Variants in CACNA2D1 observed in about 807,000 individuals in gnomAD.
The protein encoded by CACNA2D1 is calcium voltage-gated channel auxiliary subunit alpha2delta 1.
A neutral mutation model predicts 171.5 loss-of-function variants in CACNA2D1; 53 were observed. That is an observed-to-expected ratio of 0.31 (90% CI 0.25 to 0.39). The LOEUF (loss-of-function observed/expected upper bound fraction) is 0.39. CACNA2D1 is among the 10% of genes least tolerant of loss of function. The pLI is 1.00. For synonymous variants in CACNA2D1, 442 were observed against 443.1 expected (o/e 1.00, Z 0.03); for missense variants, 903 against 1,299.8 (o/e 0.69, Z 4.69).
chr7:81,981,089 A>T (rs1186375262), intron 24 of CACNA2D1, among the ~76,000 whole-genome samples: 3 of 152,198 alleles, frequency 2.0e-5, no homozygotes. Context: ...CTTTGTCTCT[A>T]GATATTTATG....
intron 21 of CACNA2D1, among the ~76,000 whole-genome samples, chr7:81,985,304 C>T (rs1012598134): frequency 3.4e-5 from 5 of 145,858 alleles, no homozygotes; most frequent in African/African-American, 1.3e-4. Context: ...TGGGCTCAAT[C>T]GATCCTCCCA....
At chr7:82,332,715 C>A (rs1266182347) in intron 3 of CACNA2D1, among the ~76,000 whole-genome samples, 1 of 152,090 alleles carries the variant, frequency 6.6e-6, no homozygotes, top group Admixed American at 6.6e-5. Context: ...ATAAGAGGAA[C>A]CAGGCGGGGT....
chr7:82,442,074 T>C (rs2129460153), intron 1 of CACNA2D1, among the ~76,000 whole-genome samples: 1 of 152,310 alleles, frequency 6.6e-6, no homozygotes, highest in Admixed American at 6.5e-5. Flanking sequence ...AAGAGGAACA[T>C]TACTGTAACT....
At chr7:82,189,648 G>A (rs558342497) in intron 3 of CACNA2D1, among the ~76,000 whole-genome samples, 13 of 151,784 alleles carry the variant, frequency 8.6e-5, no homozygotes, top group Non-Finnish European at 1.9e-4. Context: ...AACTGAATAT[G>A]GCAAGTCTGA....
chr7:82,290,975 CTT>C (rs3054678), intron 3 of CACNA2D1, among the ~76,000 whole-genome samples: 5 of 138,866 alleles, frequency 3.6e-5, no homozygotes, highest in East Asian at 2.1e-4. Context: ...ACTTTCTTTT[CTT>C]TTTTTTTTTT....
intron 6 of CACNA2D1, among the ~76,000 whole-genome samples, chr7:82,109,751 A>G (rs982443377): frequency 3.3e-5 from 5 of 152,234 alleles, no homozygotes; most frequent in Admixed American, 3.3e-4. Context: ...GGATTTAAAA[A>G]TAGGAAGACA....
intron 3 of CACNA2D1, among the ~76,000 whole-genome samples, chr7:82,306,190 C>T (rs965967542): frequency 6.6e-6 from 1 of 152,176 alleles, no homozygotes; most frequent in Admixed American, 6.5e-5. Flanking sequence ...TCTACCTTGT[C>T]ATCAAATGGA....
chr7:82,260,096 C>T (rs1032665258), intron 3 of CACNA2D1, among the ~76,000 whole-genome samples: 13 of 152,050 alleles, frequency 8.5e-5, no homozygotes, highest in African/African-American at 3.1e-4. Flanking sequence ...GTGGTGGGCG[C>T]CTGTAATCCC....
chr7:82,145,362 T>C (rs1463306525), intron 4 of CACNA2D1, among the ~76,000 whole-genome samples: 5 of 144,748 alleles, frequency 3.5e-5, no homozygotes, highest in East Asian at 4.0e-4. Context: ...TATTATATAT[T>C]ACACATTATA....
intron 12 of CACNA2D1, among the ~76,000 whole-genome samples, chr7:82,025,181 A>C (rs184268894): frequency 6.6e-6 from 1 of 151,666 alleles, no homozygotes; most frequent in Non-Finnish European, 1.5e-5. Flanking sequence ...TTTATTAAAA[A>C]TGCCATTGGG....
chr7:82,353,624 T>C (rs764101385), intron 1 of CACNA2D1, among the ~76,000 whole-genome samples: 26 of 151,808 alleles, frequency 1.7e-4, no homozygotes, highest in Non-Finnish European at 3.2e-4. Context: ...GAGTAGTAAC[T>C]AGAAAAAGGA....
At position 82,400,052 on chromosome 7, in the gene CACNA2D1, T is replaced by C. The variant is rs576351029; in HGVS notation, c.95+43313A>G. ...TTTCTGAGGGCTCTGTTCTGTTCCATTGATCTATATCTCTGTTTTGGTACC... is the reference window on the plus strand; with the variant it reads ...TTTCTGAGGGCTCTGTTCTGTTCCACTGATCTATATCTCTGTTTTGGTACC... On this transcript the variant is annotated intron_variant, in intron 1 of 38. Transcript: ENST00000356860. 1.1e-4 allele frequency among the ~76,000 whole-genome samples: 16 copies of C among 151,666 alleles called. No homozygotes were observed. The South Asian group carries it at 3.1e-3, about 30-fold the overall frequency.
intron 1 of CACNA2D1, among the ~76,000 whole-genome samples, chr7:82,395,198 T>TA (rs67927269): frequency 3.9e-4 from 58 of 150,476 alleles, no homozygotes; most frequent in South Asian, 6.3e-4. Context: ...AACATCAAAT[T>TA]AAAAAAAAAA....
chr7:82,000,729 G>C (rs973112067), intron 18 of CACNA2D1, among the ~76,000 whole-genome samples: 2 of 146,846 alleles, frequency 1.4e-5, no homozygotes, highest in African/African-American at 5.0e-5. Context: ...TGAGTGGCTG[G>C]GACTACAGGC....
intron 7 of CACNA2D1, among the ~76,000 whole-genome samples, chr7:82,073,647 C>T (rs1004076486): frequency 2.6e-5 from 4 of 152,162 alleles, no homozygotes; most frequent in South Asian, 2.1e-4. Context: ...GTTGCCCAGG[C>T]GTGAGTGCAA....
chr7:82,232,648 G>A (rs1197349140), intron 3 of CACNA2D1, among the ~76,000 whole-genome samples: 2 of 151,804 alleles, frequency 1.3e-5, no homozygotes, highest in Non-Finnish European at 2.9e-5. Flanking sequence ...GGCAGATCAC[G>A]AGGTCAGGAG....
intron 3 of CACNA2D1, among the ~76,000 whole-genome samples, chr7:82,178,599 A>G (rs1796798670): frequency 6.6e-6 from 1 of 152,078 alleles, no homozygotes; most frequent in African/African-American, 2.4e-5. Flanking sequence ...TACGTTTAAT[A>G]TATTACACCT....
chr7:82,416,222 A>G (rs1009428154), intron 1 of CACNA2D1, among the ~76,000 whole-genome samples: 2 of 151,620 alleles, frequency 1.3e-5, no homozygotes, highest in African/African-American at 4.8e-5. Flanking sequence ...CTCAAAAAAT[A>G]ATAATAATAA....
intron 4 of CACNA2D1, among the ~76,000 whole-genome samples, chr7:82,141,173 C>T (rs1792340527): frequency 6.6e-6 from 1 of 151,924 alleles, no homozygotes; most frequent in African/African-American, 2.4e-5. Context: ...TTAACTAAAT[C>T]AGTCTTTCAC....
Sources: gnomAD v4.1 joint callset for allele counts (sites outside exome capture counted in the v4.1 genomes callset) on GRCh38, gnomAD v4.1.1 for gene constraint, MANE v1.5 for transcripts, NCBI Gene and HGNC (gene_info 2026-07-23, HGNC 2026-07-21) for gene names.